KBTBD11: variants seen among roughly 807,000 people sequenced by gnomAD.
KBTBD11 encodes kelch repeat and BTB domain-containing protein 11.
For missense variants in KBTBD11, 1,390 were observed against 1,001.8 expected (o/e 1.39, Z -5.23); for synonymous variants, 747 against 499.0 (o/e 1.50, Z -6.63).
At chr8:1,998,031 A>G (rs1229372035) in intron 1 of KBTBD11, among the ~76,000 whole-genome samples, 1 of 152,246 alleles carries the variant, frequency 6.6e-6, no homozygotes, top group African/African-American at 2.4e-5. Context: ...AGCTGGAATA[A>G]GAACCAGTTC....
rs1817543704 is a variant in KBTBD11, at chr8:2,005,435, G to A, written c.*2371G>A. 1 of 166,450 alleles carries A rather than the reference G, an allele frequency of 6.0e-6. No individual in the cohort carries two copies. The highest frequency in any genetic ancestry group is 1.5e-5 in the Non-Finnish European group (1 of 68,090). The allele number at this position is 166,450 out of a possible 1,614,324, so 10.3% of individuals were successfully genotyped here. ...CAGTGTTTTTGCTTTTTGGGGGCCA[G>A]TCCCTGGGGTGTGGAGCCGCTAGGG... On this transcript the variant is annotated 3_prime_UTR_variant, in exon 2 of 2. Transcript: ENST00000320248.
At chr8:1,990,510 G>C (rs113942146) in intron 1 of KBTBD11, among the ~76,000 whole-genome samples, 6 of 65,024 alleles carry the variant, frequency 9.2e-5, no homozygotes, top group East Asian at 3.7e-4. Flanking sequence ...TAGATGCTGC[G>C]GGGCCTTGGC....
chr8:1,992,561 A>T (rs1816958095), intron 1 of KBTBD11, among the ~76,000 whole-genome samples: 1 of 152,054 alleles, frequency 6.6e-6, no homozygotes, highest in East Asian at 1.9e-4. Context: ...ATGAGTTTAA[A>T]ATCATGCCTG....
At position 1,993,483 on chromosome 8, in the gene KBTBD11, A is replaced by G. The variant is rs973433839; in HGVS notation, c.-908-6802A>G. ...CACCCATCTGTCTATCCATCCATCTATCCGTCCATCCGTCCATCCATCCAT... is the reference window on the plus strand; with the variant it reads ...CACCCATCTGTCTATCCATCCATCTGTCCGTCCATCCGTCCATCCATCCAT... On this transcript the variant is annotated intron_variant, in intron 1 of 1. Coordinates refer to ENST00000320248, the MANE Select transcript of KBTBD11 (RefSeq NM_014867.3). Among the ~76,000 whole-genome samples the G allele has an allele frequency of 3.2e-3, 285 of 88,348 alleles. 1 individual carries two copies. Among genetic ancestry groups the G allele is most frequent in the African/African-American group, 9.2e-3 (267 of 28,998 alleles). 58.0% of individuals were successfully genotyped at this position (88,348 alleles called of 152,430 possible).
chr8:1,974,128 CGGA>C (rs1816229616), intron 1 of KBTBD11, among the ~76,000 whole-genome samples, 193 bp downstream of exon 1: 1 of 18,928 alleles, frequency 5.3e-5, no homozygotes, highest in African/African-American at 2.2e-4. Flanking sequence ...GGGAGCGGAG[CGGA>C]GGGGAGGGGA....
At chr8:1,977,479 C>G (rs1053325293) in intron 1 of KBTBD11, among the ~76,000 whole-genome samples, 1 of 152,080 alleles carries the variant, frequency 6.6e-6, no homozygotes, top group African/African-American at 2.4e-5. Context: ...TGCACATCCT[C>G]TCTTTGAACA....
Position 2,001,119 on chromosome 8 carries a change from T to TAAG in KBTBD11, c.-73_-71dup. On this transcript the variant is annotated 5_prime_UTR_variant, in exon 2 of 2. Coordinates refer to ENST00000320248, the MANE Select transcript of KBTBD11 (RefSeq NM_014867.3). ...AGCTGTGAGGCTGGAAACCCCGGAGTAAGGCTCGACCTTGGCCAGACCTGC... is the reference window on the plus strand; with the variant it reads ...AGCTGTGAGGCTGGAAACCCCGGAGTAAGAAGGCTCGACCTTGGCCAGACCTGC... The TAAG allele has an allele frequency of 7.9e-7, 1 of 1,263,672 alleles. No individual in the cohort carries two copies. Among genetic ancestry groups the TAAG allele is most frequent in the Non-Finnish European group, 9.9e-7 (1 of 1,005,060 alleles). The allele number at this position is 1,263,672 out of a possible 1,614,324, so 78.3% of individuals were successfully genotyped here.
chr8:1,995,140 A>G (rs1468228595), intron 1 of KBTBD11, among the ~76,000 whole-genome samples: 2 of 151,736 alleles, frequency 1.3e-5, no homozygotes, highest in East Asian at 1.9e-4. Context: ...GCATGTTGCT[A>G]GGTATATTAT....
Position 2,003,211 on chromosome 8 carries a change from C to G in KBTBD11, c.*147C>G. 1 of 1,189,652 alleles carries G rather than the reference C, an allele frequency of 8.4e-7. No homozygotes were observed. The highest frequency in any genetic ancestry group is 1.1e-6 in the Non-Finnish European group (1 of 937,608). 73.7% of individuals were successfully genotyped at this position (1,189,652 alleles called of 1,614,324 possible). ...TTCGAAGGAGCCCCGAGGACGCTCTCAGGGCCGCTTTCGCTTTGCTTTCCT... is the reference window on the plus strand; with the variant it reads ...TTCGAAGGAGCCCCGAGGACGCTCTGAGGGCCGCTTTCGCTTTGCTTTCCT... On this transcript the variant is annotated 3_prime_UTR_variant, in exon 2 of 2. Coordinates refer to ENST00000320248, the MANE Select transcript of KBTBD11 (RefSeq NM_014867.3).
intron 1 of KBTBD11, among the ~76,000 whole-genome samples, chr8:1,997,624 C>T (rs965785176): frequency 6.6e-6 from 1 of 152,248 alleles, no homozygotes; most frequent in East Asian, 1.9e-4. Context: ...GCCCCTGATG[C>T]AGCCTTGCTG....
At chr8:1,986,323 C>G (rs1199557332) in intron 1 of KBTBD11, among the ~76,000 whole-genome samples, 2 of 152,222 alleles carry the variant, frequency 1.3e-5, no homozygotes, top group Admixed American at 6.5e-5. Context: ...AATTGGGACT[C>G]TGTCAAATCT....
Position 2,002,624 on chromosome 8 carries a change from G to A in KBTBD11, c.1432G>A (p.Asp478Asn). 6.3e-7 allele frequency: 1 copy of A among 1,583,574 alleles called. No individual in the cohort carries two copies. The change falls in exon 2 of 2, where the codon GAC becomes AAC. Residue 478 changes from aspartate to asparagine, a missense_variant. Physicochemically the swap from Asp to Asn is conservative, Grantham distance 23. Coordinates refer to ENST00000320248, the MANE Select transcript of KBTBD11 (RefSeq NM_014867.3). This position sits in a 1 kb window ranked among gnomAD's most constrained non-coding sequence, Gnocchi z 4.1. ...YRLLKYDPRR[D>N]EWQECPCSSS... ...CCTGCTCAAGTATGACCCGCGGCGC[G>A]ACGAGTGGCAGGAGTGCCCGTGCAG...
chr8:1,979,251 C>G lies in KBTBD11; in HGVS notation c.-909+5316C>G, dbSNP rs79051017. 9.1e-4 allele frequency among the ~76,000 whole-genome samples: 138 copies of G among 152,316 alleles called. 3 individuals carry two copies. The East Asian group carries it at 0.024, about 27-fold the overall frequency. On this transcript the variant is annotated intron_variant, in intron 1 of 1. Transcript: ENST00000320248. ...AACCTCCGCCTTTTTAAGGCTTTGA[C>G]TGATTGGACGAGGCCCACCCATATT...
chr8:1,989,941 T>G (rs991742171), intron 1 of KBTBD11, among the ~76,000 whole-genome samples: 24 of 149,230 alleles, frequency 1.6e-4, no homozygotes, highest in Non-Finnish European at 2.8e-4. Flanking sequence ...TTTTTTTTTT[T>G]TTTTTTTTGA....
At chr8:1,982,010 T>A (rs1265326705) in intron 1 of KBTBD11, among the ~76,000 whole-genome samples, 1 of 152,224 alleles carries the variant, frequency 6.6e-6, no homozygotes, top group Non-Finnish European at 1.5e-5. Flanking sequence ...ATCTAGCCTT[T>A]CTGTTGGTTC....
chr8:1,999,541 T>G (rs1817265597), intron 1 of KBTBD11, among the ~76,000 whole-genome samples: 1 of 152,224 alleles, frequency 6.6e-6, no homozygotes, highest in African/African-American at 2.4e-5. Flanking sequence ...GAAAGATATT[T>G]GATTGTATTC....
At chr8:1,979,856 C>G (rs1427792874) in intron 1 of KBTBD11, among the ~76,000 whole-genome samples, 1 of 152,248 alleles carries the variant, frequency 6.6e-6, no homozygotes, top group Non-Finnish European at 1.5e-5. Context: ...GGCTTCCACA[C>G]TCCTGGCTGC....
At chr8:1,980,226 A>C (rs1201019451) in intron 1 of KBTBD11, among the ~76,000 whole-genome samples, 1 of 74,482 alleles carries the variant, frequency 1.3e-5, no homozygotes, top group African/African-American at 5.5e-5. Context: ...CTGATAATCA[A>C]ACTTTTTTTT....
intron 1 of KBTBD11, among the ~76,000 whole-genome samples, chr8:1,998,662 C>T (rs1563376017): frequency 6.6e-6 from 1 of 152,178 alleles, no homozygotes; most frequent in Admixed American, 6.5e-5. Context: ...CTGTATCTTA[C>T]AGAAGCAGTG....
Sources: gnomAD v4.1 joint callset for allele counts (sites outside exome capture counted in the v4.1 genomes callset) on GRCh38, gnomAD v4.1.1 for gene constraint, Gnocchi (gnomAD v3.1) non-coding constraint, MANE v1.5 for transcripts, NCBI Gene and HGNC (gene_info 2026-07-23, HGNC 2026-07-21) for gene names.